Variants in HPS1 observed in about 807,000 individuals in gnomAD.
HPS1 encodes BLOC-3 complex member HPS1.
Under a neutral mutation model 90.6 loss-of-function variants are expected in HPS1, and 59 were observed. The ratio of observed to expected loss-of-function variants is 0.65; its 90% CI spans 0.53 to 0.81. The LOEUF is 0.81. Among genes scored for constraint, HPS1 ranks in the 30% least tolerant of loss-of-function variants. HPS1 has a pLI of 0.00. For missense variants in HPS1, 849 were observed against 896.7 expected (o/e 0.95, Z 0.68); for synonymous variants, 388 against 384.4 (o/e 1.01, Z -0.11).
At chr10:98,426,641 A>T (rs1002295857) in intron 11 of HPS1, among the ~76,000 whole-genome samples, 7 of 152,202 alleles carry the variant, frequency 4.6e-5, no homozygotes, top group Admixed American at 4.6e-4. Context: ...TACAAACCAC[A>T]CTGTGGGAGT....
intron 6 of HPS1, among the ~76,000 whole-genome samples, chr10:98,431,810 C>T (rs1164389592): frequency 2.0e-5 from 3 of 151,946 alleles, no homozygotes; most frequent in Non-Finnish European, 2.9e-5. Context: ...TTTCCAGTGA[C>T]CACATTAAAA....
Position 98,423,844 on chromosome 10 carries a change from T to C in HPS1, c.1441A>G (p.Ile481Val). Residue 481 changes from isoleucine to valine, a missense_variant, in exon 15 of 20, where the codon ATC (isoleucine) becomes GTC (valine). By Grantham distance (29) the Ile-to-Val change is conservative. Transcript: ENST00000361490. ...CGKLKRQLCA[I>V]YRLNFLTTAP... ...GTGGTCAGAAAGTTCAGCCGGTAGATGGCGCAGAGCTGCCGCTTCAGCTTC... is the reference window on the plus strand; with the variant it reads ...GTGGTCAGAAAGTTCAGCCGGTAGACGGCGCAGAGCTGCCGCTTCAGCTTC... 1 of 1,613,858 alleles carries C rather than the reference T, an allele frequency of 6.2e-7. No homozygotes were observed. The highest frequency in any genetic ancestry group is 8.5e-7 in the Non-Finnish European group (1 of 1,180,006).
chr10:98,419,814 C>A (rs537787232), intron 18 of HPS1, among the ~76,000 whole-genome samples: 2 of 152,370 alleles, frequency 1.3e-5, no homozygotes, highest in Admixed American at 6.5e-5. Context: ...CTGGATGCCA[C>A]GTGGACAATG....
intron 3 of HPS1, among the ~76,000 whole-genome samples, chr10:98,438,858 C>T (rs1248384951): frequency 1.3e-5 from 2 of 152,176 alleles, no homozygotes; most frequent in Non-Finnish European, 2.9e-5. Flanking sequence ...TCGCCACAGG[C>T]CTGGAGGCCT....
At chr10:98,424,220 T>C (rs1264620396) in intron 14 of HPS1, 93 bp downstream of exon 14, 6 of 928,778 alleles carry the variant, frequency 6.5e-6, no homozygotes, top group Non-Finnish European at 1.1e-5. Flanking sequence ...ATTTTGCTGA[T>C]AAATGAAGGG....
chr10:98,434,095 G>C lies in HPS1; in HGVS notation c.399-4C>G, dbSNP rs201620684. The stretch of plus-strand genomic sequence containing the variant: ...CGCCAGGTCTGGGGGCCGCAGCCTG[G>C]GGGCAGAGCCAGAGAGGGCGGGAGA... On this transcript the variant is annotated splice_region_variant and splice_polypyrimidine_tract_variant and intron_variant, in intron 5 of 19. Coordinates refer to ENST00000361490, the MANE Select transcript of HPS1 (RefSeq NM_000195.5). The C allele has an allele frequency of 2.6e-6, 4 of 1,548,586 alleles. No homozygotes were observed. In the South Asian group the frequency reaches 3.6e-5, roughly 14 times the overall value.
At chr10:98,434,927 G>A (rs200878613) in intron 5 of HPS1, among the ~76,000 whole-genome samples, 1 of 152,126 alleles carries the variant, frequency 6.6e-6, no homozygotes, top group Non-Finnish European at 1.5e-5. Flanking sequence ...AAGCCAGAGA[G>A]GACTAGCTCA....
Position 98,420,045 on chromosome 10 carries a change from C to G in HPS1, c.1857G>C (p.Met619Ile). 6.2e-7 allele frequency: 1 copy of G among 1,602,126 alleles called. No individual in the cohort carries two copies. The highest frequency in any genetic ancestry group is 1.1e-5 in the South Asian group (1 of 90,864). ...CSYFLWFEND[M>I]GYKLQMIEVP... ...GGCCCAGGGACTCAGCCTCACCTAC[C>G]ATGTCATTCTCGAACCACAGGAAGT... Residue 619 changes from methionine to isoleucine, a missense_variant and splice_region_variant, in exon 18 of 20, where the codon ATG becomes ATC. Transcript: ENST00000361490.
Position 98,435,831 on chromosome 10 carries a change from A to G in HPS1, c.118-59T>C, listed in dbSNP as rs1235328823. ...GTGGGCCAGACACCAAGAACTAAGG[A>G]AGGGACAAGATCAGGCCTTGATATC... On this transcript the variant is annotated intron_variant, in intron 3 of 19. Transcript: ENST00000361490. This position sits in a 1 kb window ranked among gnomAD's most constrained non-coding sequence, Gnocchi z 4.3. 2.5e-6 allele frequency: 4 copies of G among 1,608,708 alleles called. No individual in the cohort carries two copies. The African/African-American group carries it at 5.3e-5, about 22-fold the overall frequency.
At chr10:98,434,438 C>G (rs2136242408) in intron 5 of HPS1, among the ~76,000 whole-genome samples, 1 of 150,228 alleles carries the variant, frequency 6.7e-6, no homozygotes. Flanking sequence ...CATCAGGGCC[C>G]TACTCAGGGT....
At chr10:98,421,995 C>CAG (rs1564831069) in intron 17 of HPS1, among the ~76,000 whole-genome samples, 2 of 150,154 alleles carry the variant, frequency 1.3e-5, no homozygotes, top group African/African-American at 4.9e-5. Flanking sequence ...CACACACACA[C>CAG]ACACACACAC....
chr10:98,441,014 T>C (rs934921428), intron 3 of HPS1, among the ~76,000 whole-genome samples: 1 of 152,232 alleles, frequency 6.6e-6, no homozygotes, highest in African/African-American at 2.4e-5. Flanking sequence ...ATCTTGTGTT[T>C]GCCTAAAGAC....
chr10:98,424,200 T>C (rs771317148), intron 14 of HPS1, 113 bp downstream of exon 14: 7 of 873,866 alleles, frequency 8.0e-6, no homozygotes, highest in Non-Finnish European at 1.3e-5. Context: ...AAATCTCCTT[T>C]CTTGAAATTA....
At position 98,444,763 on chromosome 10, in the gene HPS1, T is replaced by C. The variant is rs181828519; in HGVS notation, c.-1+537A>G. On this transcript the variant is annotated intron_variant, in intron 2 of 19. Coordinates refer to ENST00000361490, the MANE Select transcript of HPS1 (RefSeq NM_000195.5). ...ACATAACAGCACAGTGAAGAAGGAA[T>C]GCAGCCTATTCCCACAGAATTACTC... 3.4e-3 allele frequency among the ~76,000 whole-genome samples: 523 copies of C among 152,330 alleles called. 5 individuals carry two copies. Among genetic ancestry groups the C allele is most frequent in the Non-Finnish European group, 3.5e-3 (237 of 68,028 alleles).
downstream of HPS1, chr10:98,414,990 G>A (rs1464161280): frequency 1.2e-6 from 2 of 1,610,800 alleles, no homozygotes; most frequent in East Asian, 4.5e-5. Context: ...CTCTGGCCCG[G>A]CCTGCTTTAC....
At chr10:98,424,408 G>A (rs746738203) in intron 13 of HPS1, 34 bp from the exon 14 acceptor site, 16 of 1,589,964 alleles carry the variant, frequency 1.0e-5, no homozygotes, top group South Asian at 2.2e-5. Flanking sequence ...TTTGCATCCC[G>A]ACCATATTTC....
rs770719820 is a variant in HPS1, at chr10:98,443,210, C to T, written c.31G>A (p.Ala11Thr). 20 of 1,613,890 alleles carry T rather than the reference C, an allele frequency of 1.2e-5. No individual in the cohort carries two copies. Among genetic ancestry groups the T allele is most frequent in the Non-Finnish European group, 1.5e-5 (18 of 1,179,954 alleles). Residue 11 changes from alanine to threonine, a missense_variant, in exon 3 of 20, where the codon GCA becomes ACA. By Grantham distance (58) the Ala-to-Thr change is moderately conservative. Transcript: ENST00000361490. ...TCTGTCCAGTAGAAGAGGACCTCTG[C>T]GCCCTCAGTGGCCACCAAGACGCAC... MKCVLVATEG[A>T]EVLFYWTDQE...
At chr10:98,440,809 C>T (rs1938286107) in intron 3 of HPS1, among the ~76,000 whole-genome samples, 1 of 151,780 alleles carries the variant, frequency 6.6e-6, no homozygotes, top group Non-Finnish European at 1.5e-5. Context: ...CGTTCCTTTG[C>T]CAGGTTTTCA....
In HPS1 at chr10:98,437,259, A is replaced by T. The variant is rs551533558; in HGVS notation, c.118-1487T>A. 5.3e-5 allele frequency among the ~76,000 whole-genome samples: 8 copies of T among 152,324 alleles called. No individual in the cohort carries two copies. The East Asian group carries it at 1.5e-3, about 29-fold the overall frequency. On this transcript the variant is annotated intron_variant, in intron 3 of 19. Coordinates refer to ENST00000361490, the MANE Select transcript of HPS1 (RefSeq NM_000195.5). Reference sequence around the variant, plus strand: ...GTAGGTTCCCAATTAATATTTGGTTAATGAATACCCCACAGATAGGCGAGA... The same window carrying T: ...GTAGGTTCCCAATTAATATTTGGTTTATGAATACCCCACAGATAGGCGAGA...
Sources: allele counts gnomAD v4.1 joint callset (sites outside exome capture counted in the v4.1 genomes callset), GRCh38; gene constraint gnomAD v4.1.1; non-coding constraint Gnocchi (gnomAD v3.1); transcripts MANE v1.5; gene names NCBI Gene and HGNC (gene_info 2026-07-23, HGNC 2026-07-21).